Variants in SKOR2 observed in about 807,000 individuals in gnomAD.
The protein encoded by SKOR2 is SKI family transcriptional corepressor 2, also known as LBX1 corepressor 1-like protein.
SKOR2 carries 47 observed loss-of-function variants against 69.1 expected under a neutral mutation model. That is an observed-to-expected ratio of 0.68 (90% confidence interval 0.54 to 0.87). The LOEUF (loss-of-function observed/expected upper bound fraction) is 0.87. Ranked by LOEUF, SKOR2 falls within the 40% of genes least tolerant of loss-of-function variation. The probability of loss-of-function intolerance (pLI) is 0.00; values close to 1 mark genes in which losing one functional copy is unlikely to be tolerated. For synonymous variants in SKOR2, 717 were observed against 672.6 expected (o/e 1.07, Z -1.02); for missense variants, 1,404 against 1,472.2 (o/e 0.95, Z 0.76).
intron 3 of SKOR2, 84 bp downstream of exon 3, chr18:47,245,414 G>T: frequency 8.0e-7 from 1 of 1,252,308 alleles, no homozygotes; most frequent in Non-Finnish European, 1.1e-6. Flanking sequence ...GTAGTGGGTA[G>T]GTGAGGAGGC....
intron 8 of SKOR2, among the ~76,000 whole-genome samples, chr18:47,211,164 T>C (rs1355392794): frequency 6.6e-6 from 1 of 152,182 alleles, no homozygotes; most frequent in East Asian, 1.9e-4. Flanking sequence ...CACAGTTCTT[T>C]TTGCCAACAA....
chr18:47,236,394 G>T (rs1032224518), intron 4 of SKOR2, among the ~76,000 whole-genome samples: 1 of 152,066 alleles, frequency 6.6e-6, no homozygotes, highest in Non-Finnish European at 1.5e-5. Flanking sequence ...TCTCTTTCTT[G>T]TGCAACCAAA....
chr18:47,247,075 C>T lies in SKOR2; in HGVS notation c.2109G>A (p.Pro703=), dbSNP rs2064279563. 6.3e-6 allele frequency: 3 copies of T among 477,334 alleles called. No homozygotes were observed. The highest frequency in any genetic ancestry group is 9.1e-6 in the Non-Finnish European group (3 of 331,204). The allele number at this position is 477,334 out of a possible 1,614,324, so 29.6% of individuals were successfully genotyped here. ...GCGGGTGCTGGGCCAGAGGGGGCGGCGGGGGCGGCGGCGGCGGCGGCGGCG... is the reference window on the plus strand; with the variant it reads ...GCGGGTGCTGGGCCAGAGGGGGCGGTGGGGGCGGCGGCGGCGGCGGCGGCG... The part of the protein sequence containing the change: ...PAPPPPPPPP[P]PPPLAQHPHH... Residue 703 remains proline, a synonymous_variant, in exon 2 of 9, where the codon CCG becomes CCA. Coordinates refer to ENST00000425639, the MANE Select transcript of SKOR2 (RefSeq NM_001278063.4). The surrounding 1 kb of genome is among the most constrained non-coding windows in gnomAD (Gnocchi z 6.6).
chr18:47,207,614 G>T (rs1359618775), intron 8 of SKOR2, among the ~76,000 whole-genome samples: 1 of 152,136 alleles, frequency 6.6e-6, no homozygotes, highest in East Asian at 1.9e-4. Context: ...TATTCTCTAA[G>T]GAGATTCTTA....
In SKOR2 at chr18:47,244,359, C is replaced by T. The variant is rs746056482; in HGVS notation, c.2752+549G>A. 2.0e-5 allele frequency among the ~76,000 whole-genome samples: 3 copies of T among 152,168 alleles called. No individual in the cohort carries two copies. The South Asian group carries it at 6.2e-4, about 32-fold the overall frequency. On this transcript the variant is annotated intron_variant, in intron 4 of 8. Transcript: ENST00000425639. ...ATTCCTTTTTCCCAAGAAACAAAAC[C>T]CTCTCCTTAAGACACTGCAATAGAC... is the stretch of plus-strand genomic sequence containing the variant.
chr18:47,232,946 A>G (rs541627176), intron 4 of SKOR2, among the ~76,000 whole-genome samples: 60 of 152,210 alleles, frequency 3.9e-4, no homozygotes, highest in Middle Eastern at 3.2e-3. Context: ...GTGCTGACCT[A>G]TAACAGTATC....
chr18:47,238,313 TTC>T (rs1296138229), intron 4 of SKOR2, among the ~76,000 whole-genome samples: 3 of 145,896 alleles, frequency 2.1e-5, no homozygotes, highest in Admixed American at 7.1e-5. Flanking sequence ...TTTTTTTCTT[TTC>T]TTTTCTTTTT....
At chr18:47,235,780 CAAAA>C (rs11433396) in intron 4 of SKOR2, among the ~76,000 whole-genome samples, 5 of 59,294 alleles carry the variant, frequency 8.4e-5, no homozygotes, top group African/African-American at 2.6e-4. Flanking sequence ...CACAAACAAG[CAAAA>C]AAAAAAAAAA....
At chr18:47,210,703 A>G (rs942323128) in intron 8 of SKOR2, among the ~76,000 whole-genome samples, 1 of 152,228 alleles carries the variant, frequency 6.6e-6, no homozygotes, top group Non-Finnish European at 1.5e-5. Context: ...ATACTTTAAT[A>G]TATAGAACAG....
At chr18:47,233,826 TA>T (rs1456058673) in intron 4 of SKOR2, among the ~76,000 whole-genome samples, 5 of 152,246 alleles carry the variant, frequency 3.3e-5, no homozygotes, top group African/African-American at 1.2e-4. Flanking sequence ...ACTTCATAAT[TA>T]GTAGCTTTAC....
chr18:47,233,858 C>T (rs187040423), intron 4 of SKOR2, among the ~76,000 whole-genome samples: 13 of 152,292 alleles, frequency 8.5e-5, no homozygotes, highest in Non-Finnish European at 1.6e-4. Flanking sequence ...AACCACTAAA[C>T]AAGCAGCTAG....
Position 47,249,026 on chromosome 18 carries a change from G to T in SKOR2, c.158C>A (p.Ser53Ter). 1 of 1,541,502 alleles carries T rather than the reference G, an allele frequency of 6.5e-7. No individual in the cohort carries two copies. Among genetic ancestry groups the T allele is most frequent in the Non-Finnish European group, 8.7e-7 (1 of 1,149,390 alleles). ...QVILYGIPIV[S>*]LVIDGQERLC... ...GCGCTCTTGCCCGTCGATCACCAAC[G>T]ACACGATGGGAATGCCGTAGAGGAT... Residue 53 changes from serine (S) to a stop codon, truncating the protein, a stop_gained, in exon 2 of 9, where the codon TCG (serine) becomes TAG (stop). Transcript: ENST00000425639. LOFTEE classifies it high-confidence loss of function.
At chr18:47,217,768 G>A (rs1277699526) in intron 7 of SKOR2, among the ~76,000 whole-genome samples, 1 of 140,666 alleles carries the variant, frequency 7.1e-6, no homozygotes, top group Non-Finnish European at 1.5e-5. Context: ...AAATCATGTC[G>A]ATTTCACCAA....
intron 7 of SKOR2, among the ~76,000 whole-genome samples, chr18:47,218,401 G>A (rs2064150712): frequency 6.6e-6 from 1 of 151,818 alleles, no homozygotes; most frequent in Admixed American, 6.6e-5. Flanking sequence ...ACCACCCTGG[G>A]CAACACAGAA....
chr18:47,248,720 C>A lies in SKOR2; in HGVS notation c.464G>T (p.Cys155Phe). 6.4e-7 allele frequency: 1 copy of A among 1,555,784 alleles called. No homozygotes were observed. Among genetic ancestry groups the A allele is most frequent in the Non-Finnish European group, 8.6e-7 (1 of 1,156,954 alleles). The change falls in exon 2 of 9, where the codon TGC (cysteine) becomes TTC (phenylalanine). Residue 155 changes from cysteine to phenylalanine, a missense_variant. Physicochemically the swap from Cys to Phe is radical, Grantham distance 205 (BLOSUM62 -2). This residue lies in a region of SKOR2 where 1,266 missense variants were observed against 1,309.9 expected (regional missense o/e 0.97). Coordinates refer to ENST00000425639, the MANE Select transcript of SKOR2 (RefSeq NM_001278063.4). This position sits in a 1 kb window ranked among gnomAD's most constrained non-coding sequence, Gnocchi z 6.4. Reference sequence around the variant, plus strand: ...GCGCGCGGGAATGAAGCTGCCGCGGCAGCCCCAGGCGCACTCGTGTGACAC... The same window carrying A: ...GCGCGCGGGAATGAAGCTGCCGCGGAAGCCCCAGGCGCACTCGTGTGACAC... ...FDVSHECAWG[C>F]RGSFIPARYN...
chr18:47,240,209 C>A (rs1201564475), intron 4 of SKOR2, among the ~76,000 whole-genome samples: 3 of 152,190 alleles, frequency 2.0e-5, no homozygotes, highest in Non-Finnish European at 4.4e-5. Flanking sequence ...ACCAGCGTTT[C>A]TCCAGTGAAG....
At chr18:47,213,822 C>T (rs1568082879) in intron 7 of SKOR2, among the ~76,000 whole-genome samples, 1 of 152,142 alleles carries the variant, frequency 6.6e-6, no homozygotes, top group Non-Finnish European at 1.5e-5. Context: ...CAGGGACCTA[C>T]TCCAGTTACC....
chr18:47,239,400 A>T (rs966965081), intron 4 of SKOR2, among the ~76,000 whole-genome samples: 2 of 152,180 alleles, frequency 1.3e-5, no homozygotes, highest in Non-Finnish European at 2.9e-5. Context: ...AACTAACTAA[A>T]TATTAACTCC....
intron 4 of SKOR2, among the ~76,000 whole-genome samples, chr18:47,231,442 G>C (rs971242154): frequency 6.6e-6 from 1 of 152,036 alleles, no homozygotes; most frequent in Non-Finnish European, 1.5e-5. Flanking sequence ...CAGCCTTCTC[G>C]GGCCATCAAA....
Sources: allele counts gnomAD v4.1 joint callset (sites outside exome capture counted in the v4.1 genomes callset), GRCh38; gene constraint gnomAD v4.1.1; regional missense constraint gnomAD v4.1.1; non-coding constraint Gnocchi (gnomAD v3.1); transcripts MANE v1.5; gene names NCBI Gene and HGNC (gene_info 2026-07-23, HGNC 2026-07-21).